Variants in SLC30A8 observed in about 807,000 individuals in gnomAD.
SLC30A8 encodes solute carrier family 30 member 8, also known as proton-coupled zinc antiporter SLC30A8.
In SLC30A8, 27 loss-of-function variants were observed where a neutral mutation model predicts 36.9. The ratio of observed to expected loss-of-function variants is 0.73; its 90% confidence interval spans 0.54 to 1.01. The LOEUF is 1.01. Among genes scored for constraint, SLC30A8 ranks in the 50% least tolerant of loss-of-function variants. The pLI, the probability that SLC30A8 is intolerant of heterozygous loss-of-function variation, is 0.00. For missense variants in SLC30A8, 439 were observed against 452.0 expected, an observed-to-expected ratio of 0.97 and a Z score of 0.26; for synonymous variants, 164 against 172.4, an observed-to-expected ratio of 0.95 and a Z score of 0.38.
intron 2 of SLC30A8, among the ~76,000 whole-genome samples, chr8:117,079,025 T>C (rs1030386955): frequency 3.7e-4 from 56 of 151,980 alleles, no homozygotes; most frequent in Admixed American, 2.3e-3. Flanking sequence ...TTGTCTTTTT[T>C]TTTTGAGACA....
intron 1 of SLC30A8, among the ~76,000 whole-genome samples, chr8:117,012,867 A>G (rs1054409201): frequency 6.6e-5 from 10 of 151,920 alleles, no homozygotes; most frequent in South Asian, 2.1e-4. Flanking sequence ...CTTCAGAGAA[A>G]CTCAGTAAAC....
At chr8:117,088,211 A>G (rs190667907) in intron 2 of SLC30A8, among the ~76,000 whole-genome samples, 172 of 152,334 alleles carry the variant, frequency 1.1e-3, no homozygotes, top group Non-Finnish European at 2.1e-3. Flanking sequence ...AGGCTTTGCC[A>G]TGAAGACCCC....
chr8:117,066,067 A>G (rs929162913), intron 2 of SLC30A8, among the ~76,000 whole-genome samples: 4 of 152,172 alleles, frequency 2.6e-5, no homozygotes, highest in African/African-American at 9.6e-5. Flanking sequence ...TTTCTTGGCG[A>G]TAAGGAGACC....
chr8:116,976,187 C>T lies in SLC30A8; in HGVS notation c.-266+25068C>T, dbSNP rs113934510. On this transcript the variant is annotated intron_variant, in intron 1 of 10. Coordinates refer to the SLC30A8 transcript ENST00000427715. ...TACAAAAATTAGCCAGGTGTGGTGA[C>T]GCACGCCTGTAGTCCCAGCTACTCA... Among the ~76,000 whole-genome samples, 153 of 151,604 alleles carry T rather than the reference C, an allele frequency of 1.0e-3. 1 individual carries two copies. The highest frequency in any genetic ancestry group is 3.6e-3 in the African/African-American group (150 of 41,340).
intron 1 of SLC30A8, among the ~76,000 whole-genome samples, chr8:117,009,758 C>T (rs1046010154): frequency 2.0e-5 from 3 of 152,140 alleles, no homozygotes; most frequent in African/African-American, 7.2e-5. Flanking sequence ...TTCTTCTCAG[C>T]TTTGTAACAG....
chr8:117,171,252 C>T (rs17738360), intron 7 of SLC30A8, 84 bp downstream of exon 7: 23,850 of 1,411,830 alleles, frequency 0.017, 269 homozygotes, highest in Non-Finnish European at 0.022. Context: ...TGTAGAGCTG[C>T]CCTTATTGTC....
intron 2 of SLC30A8, among the ~76,000 whole-genome samples, chr8:117,115,755 A>G (rs1219378415): frequency 2.6e-5 from 4 of 152,034 alleles, no homozygotes; most frequent in African/African-American, 4.8e-5. Flanking sequence ...TGGGTAGGGA[A>G]GGGCTCATTG....
chr8:116,975,877 A>G (rs1188705364), intron 1 of SLC30A8, among the ~76,000 whole-genome samples: 1 of 152,206 alleles, frequency 6.6e-6, no homozygotes, highest in African/African-American at 2.4e-5. Context: ...GAGGTGTCCT[A>G]TTAAGACTCT....
chr8:116,957,263 T>TTTTTTTATTTTTTA (rs1308049262), intron 1 of SLC30A8, among the ~76,000 whole-genome samples: 1 of 152,042 alleles, frequency 6.6e-6, no homozygotes, highest in Non-Finnish European at 1.5e-5. Context: ...GCACCATTCT[T>TTTTTTTATTTTTTA]TTTTTTATTT....
intron 2 of SLC30A8, among the ~76,000 whole-genome samples, chr8:117,085,495 T>G (rs949666304): frequency 3.3e-5 from 5 of 152,202 alleles, no homozygotes; most frequent in Non-Finnish European, 5.9e-5. Flanking sequence ...ATTATTCAAC[T>G]CTGAAGCAAC....
At chr8:117,028,698 T>C (rs931407351) in intron 1 of SLC30A8, among the ~76,000 whole-genome samples, 13 of 151,920 alleles carry the variant, frequency 8.6e-5, no homozygotes, top group African/African-American at 3.1e-4. Flanking sequence ...TATAAGCAGG[T>C]AGAAGGATTA....
chr8:117,112,636 T>A (rs73315694), intron 2 of SLC30A8, among the ~76,000 whole-genome samples: 8,699 of 152,164 alleles, frequency 0.057, 669 homozygotes, highest in African/African-American at 0.17. Context: ...GGCAGGAAGT[T>A]TTAGGAAGAC....
intron 2 of SLC30A8, among the ~76,000 whole-genome samples, chr8:117,064,637 G>T (rs1818114485): frequency 6.6e-6 from 1 of 152,186 alleles, no homozygotes; most frequent in Admixed American, 6.5e-5. Flanking sequence ...TGATGGCAGG[G>T]GGATGACTCA....
intron 2 of SLC30A8, among the ~76,000 whole-genome samples, chr8:117,127,167 G>A (rs1044014759): frequency 6.6e-6 from 1 of 151,944 alleles, no homozygotes; most frequent in Non-Finnish European, 1.5e-5. Context: ...TAAGCATCGC[G>A]TACCTAATTG....
chr8:117,067,136 C>A (rs1818193798), intron 2 of SLC30A8, among the ~76,000 whole-genome samples: 1 of 152,074 alleles, frequency 6.6e-6, no homozygotes, highest in African/African-American at 2.4e-5. Flanking sequence ...TGAGAACGCT[C>A]ACTATCACAA....
chr8:117,101,779 C>T (rs1011410849), intron 2 of SLC30A8, among the ~76,000 whole-genome samples: 3 of 152,176 alleles, frequency 2.0e-5, no homozygotes, highest in Non-Finnish European at 2.9e-5. Context: ...ACATCTTTCT[C>T]CCCTGCTGGA....
At chr8:117,013,825 A>C (rs1816424235) in intron 1 of SLC30A8, among the ~76,000 whole-genome samples, 1 of 152,194 alleles carries the variant, frequency 6.6e-6, no homozygotes, top group Non-Finnish European at 1.5e-5. Flanking sequence ...TTAGTTTTAC[A>C]TAGAGATGTT....
intron 1 of SLC30A8, among the ~76,000 whole-genome samples, chr8:116,998,943 T>C (rs1218298024): frequency 6.6e-6 from 1 of 152,140 alleles, no homozygotes; most frequent in Non-Finnish European, 1.5e-5. Context: ...ACGAGGCTTG[T>C]GGTAATTTGT....
rs140610506 is a variant in SLC30A8 at position 117,063,276 on chromosome 8, C to T, written c.-226+24018C>T. On this transcript the variant is annotated intron_variant, in intron 2 of 10. Transcript: ENST00000427715. ...AGCAGTTGCTAAATCTCTCTTTTAT[C>T]GGGGAAATTATGGTCCAGGCAGAGC... is the stretch of plus-strand genomic sequence containing the variant. Among the ~76,000 whole-genome samples the T allele has an allele frequency of 6.6e-5, 10 of 152,170 alleles. No homozygotes were observed. The East Asian group carries it at 1.7e-3, about 26-fold the overall frequency.
Sources: gnomAD v4.1 joint callset for allele counts (sites outside exome capture counted in the v4.1 genomes callset) on GRCh38, gnomAD v4.1.1 for gene constraint, MANE v1.5 for transcripts, NCBI Gene and HGNC (gene_info 2026-07-23, HGNC 2026-07-21) for gene names.